UNC13B: variants seen among roughly 807,000 people sequenced by gnomAD.
The protein encoded by UNC13B is unc-13 homolog B.
In UNC13B, 144 loss-of-function variants were observed where a neutral mutation model predicts 211.0. The observed-to-expected ratio is 0.68, with a 90% confidence interval of 0.60 to 0.78. The LOEUF is 0.78. Ranked by LOEUF, UNC13B falls within the 30% of genes least tolerant of loss-of-function variation. UNC13B has a pLI of 0.00. For missense variants in UNC13B, 1,777 were observed against 2,002.0 expected, an observed-to-expected ratio of 0.89 and a Z score of 2.14; for synonymous variants, 709 against 725.8, an observed-to-expected ratio of 0.98 and a Z score of 0.37.
chr9:35,343,483 G>T (rs961793156), intron 11 of UNC13B, among the ~76,000 whole-genome samples: 1 of 152,180 alleles, frequency 6.6e-6, no homozygotes, highest in Non-Finnish European at 1.5e-5. Context: ...GCGGGGTACC[G>T]TGAAAGGGTC....
intron 11 of UNC13B, among the ~76,000 whole-genome samples, chr9:35,340,956 A>G (rs757252972): frequency 8.5e-5 from 13 of 152,206 alleles, no homozygotes; most frequent in Admixed American, 4.6e-4. Flanking sequence ...AGATAAGGAC[A>G]TTCAATTTCC....
chr9:35,203,422 G>A (rs1587364214), intron 1 of UNC13B, among the ~76,000 whole-genome samples: 1 of 152,272 alleles, frequency 6.6e-6, no homozygotes, highest in East Asian at 1.9e-4. Context: ...ATGAAGCTTA[G>A]TTTGGCTGGA....
At chr9:35,230,163 CA>C (rs1339234948) in intron 2 of UNC13B, among the ~76,000 whole-genome samples, 1 of 152,120 alleles carries the variant, frequency 6.6e-6, no homozygotes, top group Non-Finnish European at 1.5e-5. Flanking sequence ...TTCCTTTTCT[CA>C]ACTCTGTGAT....
At chr9:35,333,914 A>C (rs1831504620) in intron 11 of UNC13B, among the ~76,000 whole-genome samples, 1 of 152,010 alleles carries the variant, frequency 6.6e-6, no homozygotes, top group Non-Finnish European at 1.5e-5. Context: ...GGGAATGAAA[A>C]GTCAGGTTGA....
intron 6 of UNC13B, among the ~76,000 whole-genome samples, chr9:35,249,065 ATAGT>A (rs908412462): frequency 7.9e-5 from 12 of 152,308 alleles, no homozygotes; most frequent in Non-Finnish European, 1.2e-4. Context: ...TATATTTAAG[ATAGT>A]TAGCTCTTCT....
intron 11 of UNC13B, among the ~76,000 whole-genome samples, chr9:35,364,929 G>T (rs1284451805): frequency 6.6e-6 from 1 of 152,174 alleles, no homozygotes; most frequent in East Asian, 1.9e-4. Context: ...TCTACCTGTT[G>T]CTGCAAACTC....
intron 11 of UNC13B, chr9:35,351,431 A>G: frequency 1.6e-6 from 2 of 1,230,978 alleles, no homozygotes; most frequent in Non-Finnish European, 1.0e-6. Flanking sequence ...TGAAAAGAGC[A>G]GGACAGGCTG....
intron 39 of UNC13B, 56 bp downstream of exon 39, chr9:35,403,655 G>A (rs561355180): frequency 1.6e-5 from 25 of 1,548,760 alleles, no homozygotes; most frequent in East Asian, 4.6e-5. Flanking sequence ...CTTGAGGGGT[G>A]GGGGGAGAGG....
At position 35,260,977 on chromosome 9, in the gene UNC13B, G is replaced by A. The variant is rs766304346; in HGVS notation, c.526+1927G>A. 4.3e-4 allele frequency among the ~76,000 whole-genome samples: 66 copies of A among 152,114 alleles called. 1 individual carries two copies. Among genetic ancestry groups the A allele is most frequent in the Middle Eastern group, 3.2e-3 (1 of 316 alleles). ...GAAATAAAAAACCTTAAATAATCAA[G>A]CAACTTTATTCCCATACATTTTTCA... On this transcript the variant is annotated intron_variant, in intron 7 of 39. Transcript: ENST00000635942.
intron 12 of UNC13B, 63 bp from the exon 13 acceptor site, chr9:35,370,255 C>CT (rs1318304959): frequency 1.4e-6 from 2 of 1,469,766 alleles, no homozygotes; most frequent in Non-Finnish European, 1.9e-6. Context: ...GAATGGAACA[C>CT]TGAACCCACC....
intron 1 of UNC13B, among the ~76,000 whole-genome samples, chr9:35,167,399 A>G (rs1272324153): frequency 6.6e-6 from 1 of 151,994 alleles, no homozygotes; most frequent in African/African-American, 2.4e-5. Flanking sequence ...GGCCCGAGAT[A>G]ATTCTTCTTC....
chr9:35,297,561 T>TTTTTTTTTTTTTTTTTTTTTTTTTTTTG, intron 8 of UNC13B, among the ~76,000 whole-genome samples: 83 of 128,170 alleles, frequency 6.5e-4, no homozygotes, highest in Non-Finnish European at 1.1e-3. Context: ...TTTTTTTTTT[T>TTTTTTTTTTTTTTTTTTTTTTTTTTTTG]TTTTTTGAGA....
rs144398844 is a variant in UNC13B at position 35,210,685 on chromosome 9, G to T, written c.23-17330G>T. Among the ~76,000 whole-genome samples the T allele has an allele frequency of 6.5e-4, 99 of 151,964 alleles. 1 individual carries two copies. The East Asian group carries it at 0.018, about 28-fold the overall frequency. ...ACTACAGGCATGTGCCACCATGCCC[G>T]GCTAATTTTTGTATTTTTAGTAGAG... On this transcript the variant is annotated intron_variant, in intron 1 of 39. Transcript: ENST00000635942.
At chr9:35,167,394 G>A (rs1249296301) in intron 1 of UNC13B, among the ~76,000 whole-genome samples, 3 of 152,154 alleles carry the variant, frequency 2.0e-5, no homozygotes, top group East Asian at 3.9e-4. Context: ...TGCATGGCCC[G>A]AGATAATTCT....
intron 2 of UNC13B, among the ~76,000 whole-genome samples, chr9:35,229,852 G>A (rs1268659727): frequency 2.6e-5 from 4 of 152,038 alleles, no homozygotes; most frequent in Middle Eastern, 3.2e-3. Context: ...AGTGTATGAC[G>A]GGTTCCATTT....
chr9:35,349,852 G>C (rs1832604845), intron 11 of UNC13B, among the ~76,000 whole-genome samples: 1 of 152,204 alleles, frequency 6.6e-6, no homozygotes, highest in Non-Finnish European at 1.5e-5. Flanking sequence ...GTAGGTGGTG[G>C]CCTTTCCTGA....
At chr9:35,378,464 T>C (rs1256102094) in intron 17 of UNC13B, 28 bp downstream of exon 17, 1 of 1,613,626 alleles carries the variant, frequency 6.2e-7, no homozygotes, top group African/African-American at 1.3e-5. Context: ...TTGTCTTACC[T>C]GGGACTGTGT....
intron 12 of UNC13B, 59 bp from the exon 13 acceptor site, chr9:35,370,259 A>T: frequency 6.7e-7 from 1 of 1,492,946 alleles, no homozygotes; most frequent in South Asian, 1.2e-5. Context: ...GGAACACTGA[A>T]CCCACCAGCT....
intron 1 of UNC13B, 126 bp from the exon 2 acceptor site, chr9:35,227,889 T>C (rs977442834): frequency 2.8e-6 from 2 of 707,322 alleles, no homozygotes; most frequent in Middle Eastern, 3.0e-4. Context: ...TCAGCTTTTT[T>C]TCTCCAGGTT....
Sources: allele counts gnomAD v4.1 joint callset (sites outside exome capture counted in the v4.1 genomes callset), GRCh38; gene constraint gnomAD v4.1.1; transcripts MANE v1.5; gene names NCBI Gene and HGNC (gene_info 2026-07-23, HGNC 2026-07-21).